Variants in FANCC observed in about 807,000 individuals in gnomAD.
The protein encoded by FANCC is Fanconi anemia group C protein.
A neutral mutation model predicts 71.3 loss-of-function variants in FANCC; 55 were observed. That is an observed-to-expected ratio of 0.77 (90% confidence interval 0.62 to 0.97). The LOEUF (loss-of-function observed/expected upper bound fraction) is 0.97. Ranked by LOEUF, FANCC falls within the 50% of genes least tolerant of loss-of-function variation. The pLI, the probability that FANCC is intolerant of heterozygous loss-of-function variation, is 0.00. For missense variants in FANCC, 678 were observed against 670.9 expected (o/e 1.01, Z -0.12); for synonymous variants, 275 against 244.9 (o/e 1.12, Z -1.15).
chr9:95,159,498 T>C (rs1213140925), intron 6 of FANCC, among the ~76,000 whole-genome samples: 4 of 152,240 alleles, frequency 2.6e-5, no homozygotes, highest in Non-Finnish European at 5.9e-5. Flanking sequence ...AACATACGTG[T>C]GCATGTATCT....
At chr9:95,229,475 A>T (rs147821474) in intron 4 of FANCC, among the ~76,000 whole-genome samples, 1 of 152,050 alleles carries the variant, frequency 6.6e-6, no homozygotes, top group Non-Finnish European at 1.5e-5. Context: ...GACTGGATGG[A>T]TTGATAGACT....
Position 95,263,199 on chromosome 9 carries a change from T to G in FANCC, c.-78-13830A>C, listed in dbSNP as rs1379960596. On this transcript the variant is annotated intron_variant, in intron 1 of 14. Transcript: ENST00000289081. ...CAGAGGTGGGGCCTGGAGAACATGCTGCATCCCTGCCCTGCTGTCTCCTCA... is the reference window on the plus strand; with the variant it reads ...CAGAGGTGGGGCCTGGAGAACATGCGGCATCCCTGCCCTGCTGTCTCCTCA... 2.6e-5 allele frequency among the ~76,000 whole-genome samples: 4 copies of G among 152,162 alleles called. No homozygotes were observed. The East Asian group carries it at 7.7e-4, about 29-fold the overall frequency.
chr9:95,134,387 A>G (rs769197798), intron 8 of FANCC, among the ~76,000 whole-genome samples: 11 of 152,156 alleles, frequency 7.2e-5, no homozygotes, highest in Non-Finnish European at 1.6e-4. Context: ...GTCTCAGCTC[A>G]AGGGCGAGGG....
chr9:95,191,545 TG>T (rs1827115177), intron 4 of FANCC, among the ~76,000 whole-genome samples: 1 of 151,964 alleles, frequency 6.6e-6, no homozygotes, highest in South Asian at 2.1e-4. Context: ...GTTCCAGCCC[TG>T]CCATCTCTCC....
At chr9:95,303,863 T>G (rs1490354661) in intron 1 of FANCC, among the ~76,000 whole-genome samples, 6 of 152,204 alleles carry the variant, frequency 3.9e-5, no homozygotes, top group Admixed American at 3.9e-4. Flanking sequence ...CTTAATTAGC[T>G]TTCTTGTAAT....
rs182135757 is a variant in FANCC at position 95,162,836 on chromosome 9, C to T, written c.521+8243G>A. Among the ~76,000 whole-genome samples the T allele has an allele frequency of 1.2e-3, 184 of 152,248 alleles. 2 individuals are homozygous for T. The highest frequency in any genetic ancestry group is 4.3e-3 in the African/African-American group (179 of 41,550). ...TTGCTGTTGTTGAGTTGCAGGAATT[C>T]TCTGTATATTCTGGATATTAATCAC... On this transcript the variant is annotated intron_variant, in intron 6 of 14. Coordinates refer to ENST00000289081, the MANE Select transcript of FANCC (RefSeq NM_000136.3).
intron 1 of FANCC, among the ~76,000 whole-genome samples, chr9:95,253,402 T>G (rs1396880037): frequency 6.6e-6 from 1 of 152,172 alleles, no homozygotes; most frequent in South Asian, 2.1e-4. Flanking sequence ...TCCCTAGAGG[T>G]ATCTGAGCTC....
At chr9:95,314,161 G>A (rs1399055665) in intron 1 of FANCC, among the ~76,000 whole-genome samples, 6 of 152,206 alleles carry the variant, frequency 3.9e-5, no homozygotes, top group Admixed American at 1.3e-4. Context: ...GCATGATGCC[G>A]TATGTAGAAA....
chr9:95,206,082 G>A (rs556762187), intron 4 of FANCC, among the ~76,000 whole-genome samples: 1 of 152,022 alleles, frequency 6.6e-6, no homozygotes, highest in East Asian at 1.9e-4. Flanking sequence ...CCAAATAAAA[G>A]CTGGAAAAAG....
intron 4 of FANCC, chr9:95,186,623 A>G (rs1826731992): frequency 6.6e-6 from 1 of 152,238 alleles, no homozygotes; most frequent in Non-Finnish European, 1.5e-5. Context: ...CAAGTCACAG[A>G]GTAAGAGTCA....
intron 4 of FANCC, among the ~76,000 whole-genome samples, chr9:95,177,142 A>C (rs1826057094): frequency 6.6e-6 from 1 of 152,218 alleles, no homozygotes; most frequent in African/African-American, 2.4e-5. Context: ...GTGTACTTAC[A>C]TGAACCCAGA....
intron 8 of FANCC, among the ~76,000 whole-genome samples, chr9:95,130,307 A>T (rs1588119693): frequency 6.6e-6 from 1 of 151,886 alleles, no homozygotes; most frequent in Non-Finnish European, 1.5e-5. Context: ...TGTGAGAGAG[A>T]GAGAGAGAGA....
chr9:95,144,995 T>C (rs1305888938), intron 7 of FANCC, among the ~76,000 whole-genome samples: 1 of 152,164 alleles, frequency 6.6e-6, no homozygotes, highest in Non-Finnish European at 1.5e-5. Context: ...GGCCATTTTA[T>C]TTTTTTAGCC....
At chr9:95,143,998 A>G (rs1427692497) in intron 7 of FANCC, among the ~76,000 whole-genome samples, 2 of 152,238 alleles carry the variant, frequency 1.3e-5, no homozygotes, top group African/African-American at 4.8e-5. Context: ...GACCAAAGAC[A>G]CCAGCCAATT....
chr9:95,113,258 G>A (rs1218881106), intron 12 of FANCC, among the ~76,000 whole-genome samples: 1 of 152,244 alleles, frequency 6.6e-6, no homozygotes, highest in Non-Finnish European at 1.5e-5. Context: ...TCACGGAGCT[G>A]GACATAGGTG....
chr9:95,314,952 C>T (rs76889031), intron 1 of FANCC, among the ~76,000 whole-genome samples: 300 of 152,182 alleles, frequency 2.0e-3, no homozygotes, highest in African/African-American at 6.6e-3. Context: ...AAATAACAAA[C>T]TGATACTAAA....
chr9:95,112,337 G>A (rs1310970617), intron 12 of FANCC, among the ~76,000 whole-genome samples: 1 of 152,210 alleles, frequency 6.6e-6, no homozygotes, highest in Admixed American at 6.5e-5. Flanking sequence ...GACTGGGGCA[G>A]TGGCTGGAAC....
At chr9:95,284,142 C>T (rs905795901) in intron 1 of FANCC, among the ~76,000 whole-genome samples, 3 of 152,198 alleles carry the variant, frequency 2.0e-5, no homozygotes, top group African/African-American at 7.2e-5. Flanking sequence ...GAAATAATCT[C>T]TCTTGGCAAG....
At chr9:95,226,680 A>T (rs1277816638) in intron 4 of FANCC, among the ~76,000 whole-genome samples, 1 of 152,226 alleles carries the variant, frequency 6.6e-6, no homozygotes, top group Non-Finnish European at 1.5e-5. Flanking sequence ...AGAGGAAGAC[A>T]AACTGCCCGG....
Sources: gnomAD v4.1 joint callset for allele counts (sites outside exome capture counted in the v4.1 genomes callset) on GRCh38, gnomAD v4.1.1 for gene constraint, MANE v1.5 for transcripts, NCBI Gene and HGNC (gene_info 2026-07-23, HGNC 2026-07-21) for gene names.